Variants in USP13 observed in about 807,000 individuals in gnomAD.
USP13 encodes the protein ubiquitin carboxyl-terminal hydrolase 13.
A neutral mutation model predicts 107.8 loss-of-function variants in USP13; 68 were observed. The observed-to-expected ratio is 0.63, with a 90% CI of 0.52 to 0.77. The LOEUF (loss-of-function observed/expected upper bound fraction) is 0.77, where lower values mean the gene tolerates loss of function less well. USP13 is among the 30% of genes least tolerant of loss of function. The probability of loss-of-function intolerance (pLI) is 0.00; values close to 1 mark genes in which losing one functional copy is unlikely to be tolerated. For synonymous variants in USP13, 377 were observed against 389.5 expected (o/e 0.97, Z 0.38); for missense variants, 945 against 1,093.3 (o/e 0.86, Z 1.91).
rs750373657 is a variant in USP13, at chr3:179,721,636, C to T, written c.1088+47C>T. 8.2e-6 allele frequency: 13 copies of T among 1,582,284 alleles called. No homozygotes were observed. The highest frequency in any genetic ancestry group is 1.1e-5 in the Non-Finnish European group (13 of 1,161,782). On this transcript the variant is annotated intron_variant, in intron 8 of 20. Transcript: ENST00000263966. The surrounding 1 kb of genome is among the most constrained non-coding windows in gnomAD (Gnocchi z 4.3). ...CAGGGCACGCGGCACCTCCCTGCCC[C>T]ATCTAGGTCCAGTCCACTCAGTGTG...
rs1483728643 is a variant in USP13 at position 179,678,865 on chromosome 3, T to C, written c.169-3013T>C. Among the ~76,000 whole-genome samples the C allele has an allele frequency of 6.6e-6, 1 of 152,244 alleles. No homozygotes were observed. Among genetic ancestry groups the C allele is most frequent in the Non-Finnish European group, 1.5e-5 (1 of 68,044 alleles). On this transcript the variant is annotated intron_variant, in intron 1 of 20. Transcript: ENST00000263966. The surrounding 1 kb of genome is among the most constrained non-coding windows in gnomAD (Gnocchi z 4.2). Reference sequence around the variant, plus strand: ...TGCTAAATTCACTTATTGCTCTTACTAGTTGTTATTTTCACTAGTGTGTGT... The same window carrying C: ...TGCTAAATTCACTTATTGCTCTTACCAGTTGTTATTTTCACTAGTGTGTGT...
At chr3:179,673,995 C>T (rs557173525) in intron 1 of USP13, among the ~76,000 whole-genome samples, 13 of 152,278 alleles carry the variant, frequency 8.5e-5, no homozygotes, top group Admixed American at 3.9e-4. Flanking sequence ...CGGGTTCAAA[C>T]GATTCTCCTG....
intron 10 of USP13, among the ~76,000 whole-genome samples, chr3:179,732,985 A>C (rs1713859649): frequency 6.6e-6 from 1 of 152,070 alleles, no homozygotes; most frequent in Non-Finnish European, 1.5e-5. Context: ...ATAAAATCTA[A>C]ATTTCCATCT....
chr3:179,750,675 C>A lies in USP13; in HGVS notation c.1710-1610C>A, dbSNP rs571440068. On this transcript the variant is annotated intron_variant, in intron 13 of 20. Coordinates refer to ENST00000263966, the MANE Select transcript of USP13 (RefSeq NM_003940.3). Reference sequence around the variant, plus strand: ...GCATCCAAGGCTTTATAGCTTTTACCTCTTTCATGACAAAATAATCATGCT... The same window carrying A: ...GCATCCAAGGCTTTATAGCTTTTACATCTTTCATGACAAAATAATCATGCT... Among the ~76,000 whole-genome samples the A allele has an allele frequency of 2.0e-5, 3 of 152,282 alleles. No individual in the cohort carries two copies. The South Asian group carries it at 6.2e-4, about 32-fold the overall frequency.
At chr3:179,684,498 A>T (rs1475017713) in intron 2 of USP13, among the ~76,000 whole-genome samples, 1 of 151,474 alleles carries the variant, frequency 6.6e-6, no homozygotes, top group Non-Finnish European at 1.5e-5. Flanking sequence ...TTTTGTAGAG[A>T]TGGGGTTTTG....
intron 19 of USP13, among the ~76,000 whole-genome samples, chr3:179,769,062 T>C (rs1405347986): frequency 6.6e-6 from 1 of 152,206 alleles, no homozygotes; most frequent in Non-Finnish European, 1.5e-5. Flanking sequence ...TAGACCTTTT[T>C]AGACAAATGT....
Position 179,719,749 on chromosome 3 carries a change from A to G in USP13, c.806-191A>G, listed in dbSNP as rs144522016. Among the ~76,000 whole-genome samples the G allele has an allele frequency of 4.6e-3, 708 of 152,324 alleles. 5 individuals carry two copies. Among genetic ancestry groups the G allele is most frequent in the African/African-American group, 0.016 (676 of 41,554 alleles). On this transcript the variant is annotated intron_variant, in intron 6 of 20. Coordinates refer to ENST00000263966, the MANE Select transcript of USP13 (RefSeq NM_003940.3). The stretch of plus-strand genomic sequence containing the variant: ...TGTGAAAAGAATGACATATAGGTAT[A>G]TTTACAAAAAATGCCTACATATTAT...
At chr3:179,729,932 G>A (rs895455950) in intron 8 of USP13, among the ~76,000 whole-genome samples, 1 of 152,172 alleles carries the variant, frequency 6.6e-6, no homozygotes, top group Non-Finnish European at 1.5e-5. Context: ...GGGTGCTTCT[G>A]GTTTTGATAT....
intron 13 of USP13, among the ~76,000 whole-genome samples, chr3:179,746,166 A>G (rs1714398349): frequency 6.7e-6 from 1 of 148,492 alleles, no homozygotes; most frequent in Non-Finnish European, 1.5e-5. Context: ...TGGCCTCAAT[A>G]GCAGTTCAAC....
intron 1 of USP13, among the ~76,000 whole-genome samples, chr3:179,656,221 C>T (rs1720256506): frequency 6.6e-6 from 1 of 152,216 alleles, no homozygotes; most frequent in Non-Finnish European, 1.5e-5. Flanking sequence ...TAAAAAGATA[C>T]ATTTGGCAAG....
chr3:179,675,378 T>C (rs924574875), intron 1 of USP13, among the ~76,000 whole-genome samples: 6 of 152,172 alleles, frequency 3.9e-5, no homozygotes, highest in Admixed American at 1.3e-4. Context: ...GTAACTTTTA[T>C]TGGTGATTCT....
At position 179,758,700 on chromosome 3, in the gene USP13, G is replaced by C. The variant is rs372210324; in HGVS notation, c.1948+1622G>C. On this transcript the variant is annotated intron_variant, in intron 16 of 20. Transcript: ENST00000263966. ...TTTTTAGTAGAGACGGGGTTTTACC[G>C]TGTTAGCCAGGATGGTCTCCATCTC... is the stretch of plus-strand genomic sequence containing the variant. 3.3e-5 allele frequency among the ~76,000 whole-genome samples: 5 copies of C among 151,860 alleles called. No homozygotes were observed. The East Asian group carries it at 9.7e-4, about 30-fold the overall frequency.
At chr3:179,701,183 TGTGTGC>T (rs1712506015) in intron 4 of USP13, 54 bp downstream of exon 4, 3 of 1,186,770 alleles carry the variant, frequency 2.5e-6, no homozygotes, top group South Asian at 3.0e-5. Context: ...GTGTCAGGTG[TGTGTGC>T]GTGTGCGATG....
At chr3:179,746,202 T>C (rs1263736092) in intron 13 of USP13, among the ~76,000 whole-genome samples, 1 of 147,240 alleles carries the variant, frequency 6.8e-6, no homozygotes, top group East Asian at 1.9e-4. Flanking sequence ...TAAAATTTTA[T>C]ATATAAAATG....
At chr3:179,750,320 A>ATATATATG (rs1274046632) in intron 13 of USP13, among the ~76,000 whole-genome samples, 36 of 40,804 alleles carry the variant, frequency 8.8e-4, no homozygotes, top group African/African-American at 2.4e-3. Flanking sequence ...ATATATATAT[A>ATATATATG]TGTGTGTATA....
intron 15 of USP13, 32 bp downstream of exon 15, chr3:179,754,886 C>T (rs2287240): frequency 0.51 from 813,602 of 1,588,684 alleles, 212,132 homozygotes; most frequent in East Asian, 0.64. Flanking sequence ...ATATGCGCTA[C>T]CCTCCCACCC....
rs370094102 is a variant in USP13 at position 179,708,769 on chromosome 3, C to T, written c.621-4C>T. 6.2e-7 allele frequency: 1 copy of T among 1,613,868 alleles called. No individual in the cohort carries two copies. Among genetic ancestry groups the T allele is most frequent in the Middle Eastern group, 1.7e-4 (1 of 6,052 alleles). Reference sequence around the variant, plus strand: ...GTTCTGACTACTCTCCAATGGCTTTCCAGTGGTTGGAAGTGTGCCAGATGC... The same window carrying T: ...GTTCTGACTACTCTCCAATGGCTTTTCAGTGGTTGGAAGTGTGCCAGATGC... On this transcript the variant is annotated splice_polypyrimidine_tract_variant and splice_region_variant and intron_variant, in intron 5 of 20. Transcript: ENST00000263966.
At chr3:179,753,323 C>T (rs1714676879) in intron 14 of USP13, among the ~76,000 whole-genome samples, 1 of 152,188 alleles carries the variant, frequency 6.6e-6, no homozygotes, top group Admixed American at 6.5e-5. Context: ...GTTACTGATC[C>T]TGCAGGAGAT....
At chr3:179,675,594 C>T (rs2108447909) in intron 1 of USP13, among the ~76,000 whole-genome samples, 1 of 151,856 alleles carries the variant, frequency 6.6e-6, no homozygotes, top group East Asian at 1.9e-4. Context: ...GTTGCCCAAG[C>T]TGGAGTGCAG....
Sources: gnomAD v4.1 joint callset for allele counts (sites outside exome capture counted in the v4.1 genomes callset) on GRCh38, gnomAD v4.1.1 for gene constraint, Gnocchi (gnomAD v3.1) non-coding constraint, MANE v1.5 for transcripts, NCBI Gene and HGNC (gene_info 2026-07-23, HGNC 2026-07-21) for gene names.